CEMIP: variants seen among roughly 807,000 people sequenced by gnomAD.
The protein encoded by CEMIP is cell migration inducing hyaluronidase 1, also known as cell migration-inducing and hyaluronan-binding protein.
In CEMIP, 105 loss-of-function variants were observed where a neutral mutation model predicts 156.9. The observed-to-expected ratio is 0.67, with a 90% CI of 0.57 to 0.79. CEMIP has a LOEUF of 0.79. Ranked by LOEUF, CEMIP falls within the 30% of genes least tolerant of loss-of-function variation. The pLI is 0.00. For synonymous variants in CEMIP, 676 were observed against 668.4 expected, an observed-to-expected ratio of 1.01 and a Z score of -0.17; for missense variants, 1,457 against 1,769.4, an observed-to-expected ratio of 0.82 and a Z score of 3.17.
At chr15:80,826,273 G>C (rs896563654) in intron 1 of CEMIP, among the ~76,000 whole-genome samples, 2 of 152,174 alleles carry the variant, frequency 1.3e-5, no homozygotes, top group African/African-American at 4.8e-5. Context: ...TTTGTTGTCT[G>C]TTTGGGTTTA....
At chr15:80,840,053 G>A (rs562882410) in intron 1 of CEMIP, among the ~76,000 whole-genome samples, 1 of 152,326 alleles carries the variant, frequency 6.6e-6, no homozygotes, top group South Asian at 2.1e-4. Context: ...GGGCCCCCCA[G>A]GCCAGCAGGG....
intron 21 of CEMIP, among the ~76,000 whole-genome samples, chr15:80,930,868 T>C (rs1900888071): frequency 6.6e-6 from 1 of 152,164 alleles, no homozygotes; most frequent in African/African-American, 2.4e-5. Flanking sequence ...TGGAAGACAA[T>C]GTGCTTGACC....
At position 80,889,517 on chromosome 15, in the gene CEMIP, T is replaced by C. The variant is rs779942586; in HGVS notation, c.1011T>C (p.Thr337=). The C allele has an allele frequency of 4.3e-6, 7 of 1,614,150 alleles. No homozygotes were observed. The highest frequency in any genetic ancestry group is 1.1e-5 in the South Asian group (1 of 91,084). ...EWFDHDKVSQ[T]KGGEKISDLW... ...TCGATCATGATAAAGTATCTCAGAC[T>C]AAAGGTGGGGAGAAAATTTCAGACC... The change falls in exon 10 of 30, where the codon ACT becomes ACC. Residue 337 remains threonine, a synonymous_variant. Coordinates refer to ENST00000394685, the MANE Select transcript of CEMIP (RefSeq NM_001293298.2).
intron 1 of CEMIP, among the ~76,000 whole-genome samples, chr15:80,866,301 G>T (rs1431717148): frequency 2.6e-5 from 4 of 152,200 alleles, no homozygotes; most frequent in Non-Finnish European, 5.9e-5. Context: ...GATAATTTAA[G>T]ACTCTTGGCT....
chr15:80,825,627 G>A (rs998748176), intron 1 of CEMIP, among the ~76,000 whole-genome samples: 1 of 152,206 alleles, frequency 6.6e-6, no homozygotes, highest in African/African-American at 2.4e-5. Flanking sequence ...AAGCCATTGC[G>A]CCTTCTCATT....
intron 1 of CEMIP, among the ~76,000 whole-genome samples, chr15:80,826,433 T>C (rs16972434): frequency 0.15 from 22,822 of 152,158 alleles, 2,256 homozygotes; most frequent in East Asian, 0.4. Flanking sequence ...ACCAAGAATA[T>C]CACTTAACAC....
intron 1 of CEMIP, among the ~76,000 whole-genome samples, chr15:80,788,212 T>G (rs1387894602): frequency 6.6e-6 from 1 of 152,126 alleles, no homozygotes; most frequent in African/African-American, 2.4e-5. Flanking sequence ...GGCTCACACC[T>G]GTAATCCCAG....
At chr15:80,874,098 C>T (rs764740304) in intron 3 of CEMIP, 125 bp downstream of exon 3, 2 of 851,008 alleles carry the variant, frequency 2.4e-6, no homozygotes, top group Non-Finnish European at 3.8e-6. Flanking sequence ...GTGCCTGGGC[C>T]TTGGCCCGAC....
At chr15:80,783,822 G>C (rs1895858204) in intron 1 of CEMIP, among the ~76,000 whole-genome samples, 1 of 152,224 alleles carries the variant, frequency 6.6e-6, no homozygotes, top group Admixed American at 6.5e-5. Flanking sequence ...CAGAACGGAG[G>C]CTGCTTGCAG....
In CEMIP at chr15:80,909,288, T is replaced by C. The variant is rs1899947098; in HGVS notation, c.1779T>C (p.His593=). Residue 593 remains histidine (H), a synonymous_variant, in exon 14 of 30, where the codon CAT becomes CAC. Transcript: ENST00000394685. The part of the protein sequence containing the change: ...HHTFSRCVTV[H]GSNGLLIKDV... ...CATTCTCTCGCTGCGTCACAGTCCA[T>C]GGCTCCAATGGCTTGTTGGTAAGAA... 1 of 1,613,998 alleles carries C rather than the reference T, an allele frequency of 6.2e-7. No individual in the cohort carries two copies. The highest frequency in any genetic ancestry group is 8.5e-7 in the Non-Finnish European group (1 of 1,180,032).
chr15:80,948,755 C>T, intron 29 of CEMIP, 42 bp from the exon 30 acceptor site: 1 of 1,613,662 alleles, frequency 6.2e-7, no homozygotes, highest in Non-Finnish European at 8.5e-7. Flanking sequence ...CAGCCGTCCT[C>T]TCATAGGGCT....
At chr15:80,799,881 C>T (rs1187611047) in intron 1 of CEMIP, among the ~76,000 whole-genome samples, 4 of 152,096 alleles carry the variant, frequency 2.6e-5, no homozygotes, top group African/African-American at 9.7e-5. Context: ...CAAGGTCTCT[C>T]TCTGCCACCC....
At position 80,913,656 on chromosome 15, in the gene CEMIP, A is replaced by G. The variant is rs540277387; in HGVS notation, c.1797+4350A>G. On this transcript the variant is annotated intron_variant, in intron 14 of 29. Coordinates refer to ENST00000394685, the MANE Select transcript of CEMIP (RefSeq NM_001293298.2). ...ATGTGATATGGTCAGCAATGATATTAAATAGTATTGCTTATTAAATAGTAT... is the reference window on the plus strand; with the variant it reads ...ATGTGATATGGTCAGCAATGATATTGAATAGTATTGCTTATTAAATAGTAT... Among the ~76,000 whole-genome samples the G allele has an allele frequency of 3.3e-5, 5 of 152,366 alleles. No homozygotes were observed. The South Asian group carries it at 1.0e-3, about 32-fold the overall frequency.
At chr15:80,858,704 A>G (rs1357682716) in intron 1 of CEMIP, among the ~76,000 whole-genome samples, 9 of 152,194 alleles carry the variant, frequency 5.9e-5, no homozygotes, top group Non-Finnish European at 1.3e-4. Flanking sequence ...CAGCCTGAGC[A>G]ACAAGAGCGA....
intron 1 of CEMIP, among the ~76,000 whole-genome samples, chr15:80,783,939 T>G (rs1266481543): frequency 1.3e-5 from 2 of 152,170 alleles, no homozygotes; most frequent in Non-Finnish European, 2.9e-5. Flanking sequence ...TCTGCCCCTG[T>G]TATTTTTTAG....
At chr15:80,942,744 T>C (rs1219325918) in intron 27 of CEMIP, among the ~76,000 whole-genome samples, 2 of 152,224 alleles carry the variant, frequency 1.3e-5, no homozygotes, top group African/African-American at 2.4e-5. Context: ...TTTCACAGGT[T>C]CCGGGTGGAC....
At position 80,943,120 on chromosome 15, in the gene CEMIP, C is replaced by T; in HGVS notation, c.3857+18C>T. ...CCTGACAAGTGAGTCTGTACCTCTGCTTCTGGAATTGGCTGCTGGCACAGC... is the reference window on the plus strand; with the variant it reads ...CCTGACAAGTGAGTCTGTACCTCTGTTTCTGGAATTGGCTGCTGGCACAGC... On this transcript the variant is annotated intron_variant, in intron 28 of 29. Coordinates refer to ENST00000394685, the MANE Select transcript of CEMIP (RefSeq NM_001293298.2). 1 of 1,614,088 alleles carries T rather than the reference C, an allele frequency of 6.2e-7. No homozygotes were observed. The highest frequency in any genetic ancestry group is 8.5e-7 in the Non-Finnish European group (1 of 1,179,914).
intron 1 of CEMIP, among the ~76,000 whole-genome samples, chr15:80,836,047 G>T (rs1443031735): frequency 1.3e-5 from 2 of 148,982 alleles, no homozygotes. Flanking sequence ...CTCATACTTG[G>T]TATATTTAGA....
intron 12 of CEMIP, among the ~76,000 whole-genome samples, chr15:80,900,585 GGTGTGTGTGTGTGTGTGTGTGT>G (rs57724852): frequency 8.4e-4 from 63 of 74,972 alleles, no homozygotes; most frequent in South Asian, 6.7e-3. Context: ...CCCAGGTAGG[GGTGTGTGTGTGTGTGTGTGTGT>G]GTGTGTGTGT....
Sources: allele counts gnomAD v4.1 joint callset (sites outside exome capture counted in the v4.1 genomes callset), GRCh38; gene constraint gnomAD v4.1.1; transcripts MANE v1.5; gene names NCBI Gene and HGNC (gene_info 2026-07-23, HGNC 2026-07-21).